Variants in EIF2AK3 observed in about 807,000 individuals in gnomAD.
EIF2AK3 encodes eukaryotic translation initiation factor 2 alpha kinase 3, also known as eukaryotic translation initiation factor 2-alpha kinase 3.
Under a neutral mutation model 113.5 loss-of-function variants are expected in EIF2AK3, and 50 were observed. The ratio of observed to expected loss-of-function variants is 0.44; its 90% CI spans 0.35 to 0.56. The LOEUF (loss-of-function observed/expected upper bound fraction) is 0.56, where lower values mean the gene tolerates loss of function less well. Among genes scored for constraint, EIF2AK3 ranks in the 20% least tolerant of loss-of-function variants. EIF2AK3 has a pLI of 0.00. For missense variants in EIF2AK3, 1,185 were observed against 1,378.0 expected (o/e 0.86, Z 2.22); for synonymous variants, 448 against 495.4 (o/e 0.90, Z 1.27).
chr2:88,607,579 TA>T, intron 2 of EIF2AK3, among the ~76,000 whole-genome samples: 1 of 152,324 alleles, frequency 6.6e-6, no homozygotes, highest in East Asian at 1.9e-4. Context: ...AAATGTAATT[TA>T]AAACATCTGT....
intron 12 of EIF2AK3, chr2:88,575,657 A>AATTTTAT: frequency 1.6e-6 from 1 of 607,390 alleles, no homozygotes; most frequent in Non-Finnish European, 2.9e-6. Context: ...TTTAAAGCTT[A>AATTTTAT]ATTTTATACA....
At chr2:88,622,352 T>G (rs1048030584) in intron 1 of EIF2AK3, among the ~76,000 whole-genome samples, 1 of 152,178 alleles carries the variant, frequency 6.6e-6, no homozygotes, top group African/African-American at 2.4e-5. Flanking sequence ...GAAGTTCCCC[T>G]CTTACAAAAA....
chr2:88,624,746 C>A (rs1170593097), intron 1 of EIF2AK3: 1 of 152,276 alleles, frequency 6.6e-6, no homozygotes, highest in South Asian at 2.1e-4. Flanking sequence ...AACCCCTTAC[C>A]TTTTCTTCCC....
chr2:88,568,216 T>G (rs753201969), intron 14 of EIF2AK3, among the ~76,000 whole-genome samples: 2 of 152,242 alleles, frequency 1.3e-5, no homozygotes, highest in African/African-American at 4.8e-5. Context: ...CTTTCAAAGA[T>G]AGTCAAATCC....
intron 9 of EIF2AK3, 139 bp from the exon 10 acceptor site, chr2:88,583,681 G>A: frequency 2.9e-6 from 2 of 678,078 alleles, no homozygotes; most frequent in South Asian, 3.4e-5. Flanking sequence ...AAAACAAAGT[G>A]CAGCATTTTG....
intron 11 of EIF2AK3, among the ~76,000 whole-genome samples, chr2:88,578,227 CACA>C (rs1255961509): frequency 1.3e-5 from 2 of 152,132 alleles, no homozygotes; most frequent in Non-Finnish European, 2.9e-5. Flanking sequence ...ATGATGACAG[CACA>C]ACAATTAGTG....
At position 88,575,639 on chromosome 2, in the gene EIF2AK3, A is replaced by AACT. The variant is rs1238444091; in HGVS notation, c.2037-196_2037-194dup. ...CACATTCCATTCATTCCTTCTAAAA[A>AACT]ACTTAATTTTAAAGCTTAATTTTAT... On this transcript the variant is annotated intron_variant, in intron 12 of 16. Coordinates refer to ENST00000303236, the MANE Select transcript of EIF2AK3 (RefSeq NM_004836.7). 1.2e-5 allele frequency: 8 copies of AACT among 671,782 alleles called. No homozygotes were observed. The African/African-American group carries it at 1.4e-4, about 12-fold the overall frequency. The allele number at this position is 671,782 out of a possible 1,614,324, so 41.6% of individuals were successfully genotyped here.
chr2:88,619,519 C>A (rs999477432), intron 1 of EIF2AK3, among the ~76,000 whole-genome samples: 4 of 152,214 alleles, frequency 2.6e-5, no homozygotes, highest in Non-Finnish European at 4.4e-5. Context: ...TTCTTTCCCA[C>A]AATCTATTCC....
rs184854805 is a variant in EIF2AK3, at chr2:88,618,628, T to C, written c.309-4775A>G. Among the ~76,000 whole-genome samples the C allele has an allele frequency of 1.9e-3, 297 of 152,352 alleles. 2 individuals are homozygous for C. Among genetic ancestry groups the C allele is most frequent in the Middle Eastern group, 3.4e-3 (1 of 294 alleles). ...CCCCAGGTGAGTCTCATAAGACCAGTTGTGCAAACACTGTTTTACCTTAGT... is the reference window on the plus strand; with the variant it reads ...CCCCAGGTGAGTCTCATAAGACCAGCTGTGCAAACACTGTTTTACCTTAGT... On this transcript the variant is annotated intron_variant, in intron 1 of 16. Coordinates refer to ENST00000303236, the MANE Select transcript of EIF2AK3 (RefSeq NM_004836.7).
chr2:88,622,393 T>C (rs1308380312), intron 1 of EIF2AK3, among the ~76,000 whole-genome samples: 4 of 152,184 alleles, frequency 2.6e-5, no homozygotes, highest in African/African-American at 9.7e-5. Context: ...TATCAGGCAA[T>C]GTTTAGGGAG....
At chr2:88,564,975 G>A (rs893205272) in intron 14 of EIF2AK3, among the ~76,000 whole-genome samples, 3 of 151,434 alleles carry the variant, frequency 2.0e-5, no homozygotes, top group Non-Finnish European at 4.4e-5. Flanking sequence ...TATTTAAAAT[G>A]TAAAAGTATT....
chr2:88,588,648 A>G, intron 7 of EIF2AK3, 113 bp downstream of exon 7: 2 of 1,057,818 alleles, frequency 1.9e-6, no homozygotes. Flanking sequence ...TATCAATAAA[A>G]TATAAAGTAT....
intron 13 of EIF2AK3, among the ~76,000 whole-genome samples, chr2:88,573,189 C>CT (rs1674362000): frequency 6.7e-6 from 1 of 149,708 alleles, no homozygotes; most frequent in African/African-American, 2.5e-5. Context: ...AGGAATAAAA[C>CT]TTTCTGATTT....
Position 88,627,418 on chromosome 2 carries a change from G to A in EIF2AK3, c.-144C>T. On this transcript the variant is annotated 5_prime_UTR_variant, in exon 1 of 17. Transcript: ENST00000303236. ...CTGGACAGCCAGCCGTGTTCCCCTG[G>A]CCACGTCTCAGCCCGGCCTCTGCCG... 2 of 1,059,696 alleles carry A rather than the reference G, an allele frequency of 1.9e-6. No homozygotes were observed. The highest frequency in any genetic ancestry group is 2.5e-6 in the Non-Finnish European group (2 of 812,206). 65.6% of individuals were successfully genotyped at this position (1,059,696 alleles called of 1,614,324 possible). A position where few individuals can be genotyped will look rare whatever the true frequency, so the allele number is the denominator to read the frequency against.
chr2:88,626,917 C>A, intron 1 of EIF2AK3, 50 bp downstream of exon 1: 2 of 1,599,212 alleles, frequency 1.3e-6, no homozygotes, highest in Non-Finnish European at 1.7e-6. Flanking sequence ...GCATCCTCCG[C>A]GGCTCGCGCG....
intron 2 of EIF2AK3, among the ~76,000 whole-genome samples, chr2:88,597,172 CT>C (rs1411369130): frequency 2.0e-5 from 3 of 152,196 alleles, no homozygotes; most frequent in Non-Finnish European, 4.4e-5. Flanking sequence ...CACACATCTA[CT>C]TTGCCCCAAA....
chr2:88,566,559 G>A (rs199803750), intron 14 of EIF2AK3, among the ~76,000 whole-genome samples: 3 of 152,026 alleles, frequency 2.0e-5, no homozygotes, highest in East Asian at 3.9e-4. Flanking sequence ...TGTAGGACGT[G>A]CAGGTCTGTT....
At chr2:88,569,851 G>A (rs1553407315) in intron 14 of EIF2AK3, among the ~76,000 whole-genome samples, 1 of 152,108 alleles carries the variant, frequency 6.6e-6, no homozygotes, top group Non-Finnish European at 1.5e-5. Flanking sequence ...ATGAAATATT[G>A]CTCTTTTTTC....
chr2:88,583,379 T>G, intron 10 of EIF2AK3, 51 bp downstream of exon 10: 1 of 1,424,860 alleles, frequency 7.0e-7, no homozygotes. Flanking sequence ...AAACAAGATC[T>G]TAGGTCATTT....
Sources: allele counts gnomAD v4.1 joint callset (sites outside exome capture counted in the v4.1 genomes callset), GRCh38; gene constraint gnomAD v4.1.1; transcripts MANE v1.5; gene names NCBI Gene and HGNC (gene_info 2026-07-23, HGNC 2026-07-21).